PTPRK: variants seen among roughly 807,000 people sequenced by gnomAD.
PTPRK encodes the protein protein tyrosine phosphatase receptor type K, also known as receptor-type tyrosine-protein phosphatase kappa.
In PTPRK, 75 loss-of-function variants were observed where a neutral mutation model predicts 178.0. That is an observed-to-expected ratio of 0.42 (90% confidence interval 0.35 to 0.51). The LOEUF is 0.51. Ranked by LOEUF, PTPRK falls within the 20% of genes least tolerant of loss-of-function variation. The pLI is 0.02. For missense variants in PTPRK, 1,441 were observed against 1,797.8 expected (o/e 0.80, Z 3.59); for synonymous variants, 637 against 620.6 (o/e 1.03, Z -0.39).
chr6:128,277,934 A>G (rs1181504863), intron 3 of PTPRK, among the ~76,000 whole-genome samples: 1 of 152,156 alleles, frequency 6.6e-6, no homozygotes, highest in East Asian at 1.9e-4. Flanking sequence ...GAGAACAAAT[A>G]CAGTCCAAAT....
At chr6:128,380,539 T>TACACAC (rs59409813) in intron 2 of PTPRK, among the ~76,000 whole-genome samples, 3 of 145,984 alleles carry the variant, frequency 2.1e-5, no homozygotes, top group Non-Finnish European at 3.0e-5. Context: ...CACACAGACA[T>TACACAC]ACACACACAC....
intron 1 of PTPRK, chr6:128,472,786 T>C (rs1283653544): frequency 9.1e-6 from 2 of 218,798 alleles, no homozygotes; most frequent in Non-Finnish European, 1.9e-5. Context: ...CACAGTTATA[T>C]AATCCAGAGT....
chr6:128,286,705 G>A (rs1004911805), intron 3 of PTPRK, among the ~76,000 whole-genome samples: 7 of 152,150 alleles, frequency 4.6e-5, no homozygotes, highest in African/African-American at 1.7e-4. Flanking sequence ...ATTGTTTGAT[G>A]CTGGATATTG....
chr6:128,288,021 G>C (rs1000623139), intron 3 of PTPRK, among the ~76,000 whole-genome samples: 6 of 152,026 alleles, frequency 3.9e-5, no homozygotes, highest in African/African-American at 1.4e-4. Context: ...TTCCCACTGA[G>C]ATATGGCTTC....
At chr6:128,163,402 A>G (rs1393569927) in intron 7 of PTPRK, among the ~76,000 whole-genome samples, 5 of 151,504 alleles carry the variant, frequency 3.3e-5, no homozygotes. Flanking sequence ...ACATGTTACA[A>G]GATGAACTTA....
intron 1 of PTPRK, among the ~76,000 whole-genome samples, chr6:128,511,603 C>A (rs1263172143): frequency 4.6e-5 from 7 of 152,194 alleles, no homozygotes; most frequent in African/African-American, 1.7e-4. Flanking sequence ...AACATCATGT[C>A]TCAGTGGAAT....
At chr6:128,178,373 A>G (rs1279374961) in intron 7 of PTPRK, among the ~76,000 whole-genome samples, 1 of 151,852 alleles carries the variant, frequency 6.6e-6, no homozygotes, top group Non-Finnish European at 1.5e-5. Context: ...ATAATTAAAC[A>G]TCTCATCAAA....
At chr6:128,385,036 G>T (rs376346485) in intron 2 of PTPRK, among the ~76,000 whole-genome samples, 1 of 149,020 alleles carries the variant, frequency 6.7e-6, no homozygotes, top group East Asian at 2.0e-4. Flanking sequence ...TTATCATTGT[G>T]TTACCTTCTA....
intron 14 of PTPRK, among the ~76,000 whole-genome samples, chr6:128,007,414 C>T (rs1008177408): frequency 2.7e-5 from 4 of 150,766 alleles, no homozygotes; most frequent in African/African-American, 9.7e-5. Flanking sequence ...ACAATCAAAG[C>T]ATAATTATGA....
chr6:128,094,725 A>G (rs1425629951), intron 7 of PTPRK, among the ~76,000 whole-genome samples: 1 of 152,200 alleles, frequency 6.6e-6, no homozygotes, highest in African/African-American at 2.4e-5. Context: ...GATAACTTGG[A>G]GAGCATTAAG....
At chr6:128,387,431 C>T (rs781660472) in intron 2 of PTPRK, among the ~76,000 whole-genome samples, 6 of 152,120 alleles carry the variant, frequency 3.9e-5, no homozygotes, top group Non-Finnish European at 8.8e-5. Flanking sequence ...GTAAAGATAG[C>T]CTCATGGTTT....
At chr6:128,491,655 C>G (rs112342264) in intron 1 of PTPRK, 4 of 442,820 alleles carry the variant, frequency 9.0e-6, no homozygotes. Context: ...GGCTCAGGCA[C>G]TCATGTGAAC....
chr6:128,403,910 C>G (rs1287192357), intron 1 of PTPRK, among the ~76,000 whole-genome samples: 1 of 152,016 alleles, frequency 6.6e-6, no homozygotes, highest in Non-Finnish European at 1.5e-5. Flanking sequence ...CCATTTTTGT[C>G]ATAACTACAA....
intron 3 of PTPRK, among the ~76,000 whole-genome samples, 157 bp from the exon 4 acceptor site, chr6:128,242,759 A>G (rs1413234881): frequency 6.6e-6 from 1 of 152,232 alleles, no homozygotes; most frequent in Non-Finnish European, 1.5e-5. Context: ...TAACTCTTGT[A>G]CAGGTAAACA....
At chr6:128,192,466 T>C (rs530392540) in intron 6 of PTPRK, among the ~76,000 whole-genome samples, 9 of 152,104 alleles carry the variant, frequency 5.9e-5, no homozygotes, top group Non-Finnish European at 1.3e-4. Flanking sequence ...ACTATTATTA[T>C]AGAATGAATG....
At chr6:128,059,488 T>C (rs1158460132) in intron 13 of PTPRK, among the ~76,000 whole-genome samples, 4 of 152,144 alleles carry the variant, frequency 2.6e-5, no homozygotes, top group Non-Finnish European at 5.9e-5. Flanking sequence ...TTTTGAATTT[T>C]TTGCTGAAAT....
intron 7 of PTPRK, among the ~76,000 whole-genome samples, chr6:128,154,535 T>G (rs1337254506): frequency 6.6e-6 from 1 of 151,662 alleles, no homozygotes; most frequent in African/African-American, 2.4e-5. Flanking sequence ...AAAATCAACA[T>G]TAACCTGGAT....
chr6:128,040,653 C>T (rs1210275196), intron 13 of PTPRK, among the ~76,000 whole-genome samples: 6 of 152,048 alleles, frequency 3.9e-5, no homozygotes, highest in Admixed American at 2.0e-4. Context: ...TGTATTTGTA[C>T]GTAAGGGTTA....
chr6:128,138,816 G>A (rs1795370595), intron 7 of PTPRK, among the ~76,000 whole-genome samples: 2 of 152,158 alleles, frequency 1.3e-5, no homozygotes, highest in African/African-American at 4.8e-5. Context: ...GAGATAAAGA[G>A]TCTTCTATTT....
Sources: gnomAD v4.1 joint callset for allele counts (sites outside exome capture counted in the v4.1 genomes callset) on GRCh38, gnomAD v4.1.1 for gene constraint, MANE v1.5 for transcripts, NCBI Gene and HGNC (gene_info 2026-07-23, HGNC 2026-07-21) for gene names.